Variants in SLC4A4 observed in about 807,000 individuals in gnomAD.
The protein encoded by SLC4A4 is solute carrier family 4 member 4.
Under a neutral mutation model 111.5 loss-of-function variants are expected in SLC4A4, and 27 were observed. The observed-to-expected ratio is 0.24, with a 90% CI of 0.18 to 0.33. SLC4A4 has a LOEUF of 0.33. SLC4A4 is among the 10% of genes least tolerant of loss of function. SLC4A4 has a pLI of 1.00. For synonymous variants in SLC4A4, 443 were observed against 463.4 expected (o/e 0.96, Z 0.57); for missense variants, 909 against 1,315.5 (o/e 0.69, Z 4.78).
chr4:71,091,030 C>A (rs567878913), intron 1 of SLC4A4, among the ~76,000 whole-genome samples: 1 of 152,168 alleles, frequency 6.6e-6, no homozygotes, highest in African/African-American at 2.4e-5. Context: ...TGCCTGTAAC[C>A]TCTGCCTCCT....
At chr4:71,500,009 T>G (rs1730762881) in intron 16 of SLC4A4, among the ~76,000 whole-genome samples, 1 of 152,198 alleles carries the variant, frequency 6.6e-6, no homozygotes, top group Admixed American at 6.5e-5. Context: ...TTTCATACTG[T>G]TTTCTGTAAT....
intron 3 of SLC4A4, among the ~76,000 whole-genome samples, chr4:71,337,667 C>CGACA (rs1728539718): frequency 6.6e-6 from 1 of 152,094 alleles, no homozygotes; most frequent in African/African-American, 2.4e-5. Context: ...TTTCATGTCC[C>CGACA]ACCAGAAATT....
At chr4:71,506,893 C>T (rs1731469206) in intron 16 of SLC4A4, among the ~76,000 whole-genome samples, 1 of 152,022 alleles carries the variant, frequency 6.6e-6, no homozygotes, top group Admixed American at 6.6e-5. Context: ...CAACAGTGGG[C>T]CTCTCAGTGG....
At chr4:71,197,040 C>T (rs1016920999) in intron 1 of SLC4A4, among the ~76,000 whole-genome samples, 2 of 151,374 alleles carry the variant, frequency 1.3e-5, no homozygotes, top group Non-Finnish European at 2.9e-5. Context: ...CATGGCGAAA[C>T]CCCATCTCTA....
At chr4:71,546,775 C>T (rs1332220739) in intron 19 of SLC4A4, among the ~76,000 whole-genome samples, 2 of 151,814 alleles carry the variant, frequency 1.3e-5, no homozygotes, top group Non-Finnish European at 2.9e-5. Flanking sequence ...AAACTACAAC[C>T]AGATTACTTT....
intron 1 of SLC4A4, among the ~76,000 whole-genome samples, chr4:71,234,987 T>G (rs1383599360): frequency 6.6e-6 from 1 of 152,124 alleles, no homozygotes; most frequent in Admixed American, 6.5e-5. Flanking sequence ...AGGAAGGAAA[T>G]TTACAGTAAT....
upstream of SLC4A4, chr4:71,186,637 CG>C (rs1745461226): frequency 6.6e-6 from 1 of 151,524 alleles, no homozygotes; most frequent in Non-Finnish European, 1.5e-5. Context: ...CGCCGATGCC[CG>C]GGCGGCTGAC....
intron 2 of SLC4A4, among the ~76,000 whole-genome samples, chr4:71,120,091 C>T (rs191957666): frequency 6.6e-6 from 1 of 152,184 alleles, no homozygotes; most frequent in East Asian, 1.9e-4. Flanking sequence ...GTTTTGAACT[C>T]GGTTCTTATG....
At chr4:71,146,895 C>A (rs1744188237) in intron 2 of SLC4A4, among the ~76,000 whole-genome samples, 1 of 152,066 alleles carries the variant, frequency 6.6e-6, no homozygotes, top group Non-Finnish European at 1.5e-5. Context: ...ACAATACTAA[C>A]CTTAAATGTA....
rs929698440 is a variant in SLC4A4, at chr4:71,307,033, G to A, written c.254-32337G>A. On this transcript the variant is annotated intron_variant, in intron 3 of 25. Coordinates refer to ENST00000264485, the MANE Select transcript of SLC4A4 (RefSeq NM_001098484.3). Reference sequence around the variant, plus strand: ...TAATGGTTAACAAACTGTTTAATGCGCGGTAGGAAAGCCAAGTAAGCCTGA... The same window carrying A: ...TAATGGTTAACAAACTGTTTAATGCACGGTAGGAAAGCCAAGTAAGCCTGA... 7.9e-5 allele frequency among the ~76,000 whole-genome samples: 12 copies of A among 152,220 alleles called. 1 individual carries two copies. The highest frequency in any genetic ancestry group is 6.2e-4 in the South Asian group (3 of 4,822).
At chr4:71,277,615 C>G (rs893149348) in intron 3 of SLC4A4, among the ~76,000 whole-genome samples, 2 of 143,084 alleles carry the variant, frequency 1.4e-5, no homozygotes, top group South Asian at 4.4e-4. Flanking sequence ...TCCTTCCTTC[C>G]TTCCTTCCTT....
intron 1 of SLC4A4, among the ~76,000 whole-genome samples, chr4:71,090,669 G>A (rs555768390): frequency 4.6e-5 from 7 of 152,238 alleles, no homozygotes; most frequent in East Asian, 3.9e-4. Context: ...CAAAATACAC[G>A]GATGCAATTG....
At chr4:71,407,405 G>A (rs944974812) in intron 7 of SLC4A4, among the ~76,000 whole-genome samples, 1 of 152,060 alleles carries the variant, frequency 6.6e-6, no homozygotes, top group Non-Finnish European at 1.5e-5. Flanking sequence ...CTCAGATTGT[G>A]AGTTTATATC....
intron 1 of SLC4A4, among the ~76,000 whole-genome samples, chr4:71,224,619 C>T (rs1385015633): frequency 1.3e-5 from 2 of 152,108 alleles, no homozygotes; most frequent in African/African-American, 2.4e-5. Flanking sequence ...GTAAGCACTA[C>T]CTAAGTGTTT....
chr4:71,493,936 C>CT (rs900121211), intron 15 of SLC4A4, among the ~76,000 whole-genome samples: 4 of 151,950 alleles, frequency 2.6e-5, no homozygotes, highest in African/African-American at 9.7e-5. Flanking sequence ...GCTCATTGTA[C>CT]TTTTTTTACC....
chr4:71,535,453 T>C (rs1464596750), intron 18 of SLC4A4, among the ~76,000 whole-genome samples: 2 of 151,886 alleles, frequency 1.3e-5, no homozygotes, highest in Admixed American at 6.6e-5. Context: ...GAGAAGAAAA[T>C]TAAAAGCTTT....
At chr4:71,196,679 T>C (rs1005517604) in intron 1 of SLC4A4, among the ~76,000 whole-genome samples, 4 of 150,918 alleles carry the variant, frequency 2.7e-5, no homozygotes, top group African/African-American at 7.3e-5. Context: ...ATTTTTAAAA[T>C]GTGTACTGGC....
chr4:71,405,848 A>G (rs980846113), intron 7 of SLC4A4, among the ~76,000 whole-genome samples: 1 of 152,198 alleles, frequency 6.6e-6, no homozygotes, highest in African/African-American at 2.4e-5. Context: ...AGCTTAAAGT[A>G]TAGAGATTAA....
intron 7 of SLC4A4, among the ~76,000 whole-genome samples, chr4:71,407,328 A>T (rs1160617209): frequency 6.6e-6 from 1 of 152,136 alleles, no homozygotes; most frequent in Non-Finnish European, 1.5e-5. Flanking sequence ...ATGTGCTGAT[A>T]CTCTGGATGT....
Sources: gnomAD v4.1 joint callset for allele counts (sites outside exome capture counted in the v4.1 genomes callset) on GRCh38, gnomAD v4.1.1 for gene constraint, MANE v1.5 for transcripts, NCBI Gene and HGNC (gene_info 2026-07-23, HGNC 2026-07-21) for gene names.